The following CYP3A4 variants were observed in gnomAD, a reference collection of about 807,000 sequenced individuals.
CYP3A4 encodes the protein cytochrome P450 family 3 subfamily A member 4, also known as cytochrome P450 3A4.
In CYP3A4, 41 loss-of-function variants were observed where a neutral mutation model predicts 54.9. That is an observed-to-expected ratio of 0.75 (90% CI 0.58 to 0.97). The LOEUF (loss-of-function observed/expected upper bound fraction) is 0.97, where lower values mean the gene tolerates loss of function less well. Ranked by LOEUF, CYP3A4 falls within the 50% of genes least tolerant of loss-of-function variation. CYP3A4 has a pLI of 0.00. For synonymous variants in CYP3A4, 179 were observed against 205.2 expected (o/e 0.87, Z 1.09); for missense variants, 510 against 597.3 (o/e 0.85, Z 1.52).
chr7:99,766,995 CT>C, intron 8 of CYP3A4, 135 bp downstream of exon 8: 1 of 754,416 alleles, frequency 1.3e-6, no homozygotes, highest in Non-Finnish European at 2.0e-6. Context: ...AATGAATTCT[CT>C]TGCTCTAAAC....
intron 8 of CYP3A4, chr7:99,766,896 ATTG>A (rs1413257345): frequency 3.6e-5 from 15 of 413,684 alleles, no homozygotes; most frequent in Admixed American, 8.4e-5. Flanking sequence ...TGGCATACTA[ATTG>A]TTGTGTCTGA....
At position 99,784,133 on chromosome 7, in the gene CYP3A4, G is replaced by A. The variant is rs1403205684; in HGVS notation, c.-52C>T. On this transcript the variant is annotated 5_prime_UTR_variant, in exon 1 of 13. Transcript: ENST00000651514. ...CTCTGAGTCTTCCTTTCAGCTCTGT[G>A]TTGCTCTTTGCTGGGCTATGTGCAT... is the stretch of plus-strand genomic sequence containing the variant. The A allele has an allele frequency of 1.9e-6, 3 of 1,545,984 alleles. No individual in the cohort carries two copies. The highest frequency in any genetic ancestry group is 2.3e-5 in the East Asian group (1 of 44,360).
At position 99,770,229 on chromosome 7, in the gene CYP3A4, C is replaced by A. The variant is rs777024826; in HGVS notation, c.325G>T (p.Gly109Cys). The A allele has an allele frequency of 2.5e-6, 4 of 1,611,374 alleles. No homozygotes were observed. Among genetic ancestry groups the A allele is most frequent in the Non-Finnish European group, 3.4e-6 (4 of 1,177,668 alleles). The change falls in exon 5 of 13, where the codon GGT becomes TGT. Residue 109 changes from glycine (G) to cysteine (C), a missense_variant. By Grantham distance (159) the Gly-to-Cys change is radical (BLOSUM62 -3). This residue lies in a region of CYP3A4 where 272 missense variants were observed against 274.9 expected (regional missense o/e 0.99). Transcript: ENST00000651514. ...YSVFTNRRPF[G>C]PVGFMKSAIS... ...GCACTTTTCATAAATCCCACTGGAC[C>A]AAAAGGCTAGAGTTCAAAGCAGAAA... is the stretch of plus-strand genomic sequence containing the variant.
intron 3 of CYP3A4, among the ~76,000 whole-genome samples, chr7:99,777,156 T>G (rs1815790594): frequency 6.6e-6 from 1 of 152,030 alleles, no homozygotes; most frequent in African/African-American, 2.4e-5. Context: ...GGCTTTTAAT[T>G]GAAAGTGAAT....
rs577590322 is a variant in CYP3A4 at position 99,767,825 on chromosome 7, T to C, written c.670+529A>G. Reference sequence around the variant, plus strand: ...GAGGTGAACAAAAACTAAGATGTGATAGACCACAATCTCATGGGATTTAGC... The same window carrying C: ...GAGGTGAACAAAAACTAAGATGTGACAGACCACAATCTCATGGGATTTAGC... On this transcript the variant is annotated intron_variant, in intron 7 of 12. Transcript: ENST00000651514. 2.8e-4 allele frequency among the ~76,000 whole-genome samples: 42 copies of C among 152,268 alleles called. No individual in the cohort carries two copies. In the South Asian group the frequency reaches 8.5e-3, roughly 31 times the overall value.
chr7:99,758,094 A>G lies in CYP3A4; in HGVS notation c.*39T>C. On this transcript the variant is annotated 3_prime_UTR_variant, in exon 13 of 13. Transcript: ENST00000651514. ...TGAGGTCTCTGGTGTTCTCAGGCAC[A>G]GATTTCTTGAAGAGCAAAGCAGAAG... The G allele has an allele frequency of 6.5e-7, 1 of 1,541,102 alleles. No individual in the cohort carries two copies. The highest frequency in any genetic ancestry group is 2.2e-5 in the East Asian group (1 of 44,446).
intron 2 of CYP3A4, among the ~76,000 whole-genome samples, chr7:99,779,117 G>A (rs1815848921): frequency 1.3e-5 from 2 of 152,230 alleles, no homozygotes; most frequent in South Asian, 4.1e-4. Flanking sequence ...CTCGGCCAAA[G>A]TTCACGGTCC....
rs191209988 is a variant in CYP3A4, at chr7:99,769,441, T to C, written c.521+327A>G. ...TACCAAGTGCCTTCCCCTTCCACCA[T>C]CCCATACACTCCATGCTTAAAACTT... On this transcript the variant is annotated intron_variant, in intron 6 of 12. Transcript: ENST00000651514. 1.3e-3 allele frequency: 457 copies of C among 344,316 alleles called. 1 individual carries two copies. Among genetic ancestry groups the C allele is most frequent in the Non-Finnish European group, 1.6e-3 (291 of 178,828 alleles). 21.3% of individuals were successfully genotyped at this position (344,316 alleles called of 1,614,324 possible).
chr7:99,768,864 C>T (rs1183679758), intron 6 of CYP3A4, among the ~76,000 whole-genome samples: 6 of 152,170 alleles, frequency 3.9e-5, no homozygotes, highest in Non-Finnish European at 7.3e-5. Context: ...GAATAATTAA[C>T]TCTTCCTAAG....
chr7:99,769,886 T>C (rs1815584628), intron 5 of CYP3A4, 30 bp from the exon 6 acceptor site: 1 of 1,613,732 alleles, frequency 6.2e-7, no homozygotes, highest in Non-Finnish European at 8.5e-7. Context: ...CCACCCATAG[T>C]TAAATGTGCA....
intron 3 of CYP3A4, among the ~76,000 whole-genome samples, chr7:99,774,503 C>T (rs1185785587): frequency 2.0e-5 from 3 of 152,108 alleles, no homozygotes; most frequent in Non-Finnish European, 4.4e-5. Context: ...AGGATCAAGT[C>T]AGCGTCATCC....
In CYP3A4 at chr7:99,757,242, C is replaced by G. The variant is rs1394626966; in HGVS notation, c.*891G>C. ...CTGGAGTGCAGTGGTGCAATCTCAG[C>G]TCACTTCAACATCCGCCTCCCAGGT... On this transcript the variant is annotated 3_prime_UTR_variant, in exon 13 of 13. Coordinates refer to ENST00000651514, the MANE Select transcript of CYP3A4 (RefSeq NM_017460.6). 1 of 152,268 alleles carries G rather than the reference C, an allele frequency of 6.6e-6. No homozygotes were observed. The highest frequency in any genetic ancestry group is 1.5e-5 in the Non-Finnish European group (1 of 68,078). 9.4% of individuals were successfully genotyped at this position (152,268 alleles called of 1,614,324 possible). A position where few individuals can be genotyped will look rare whatever the true frequency, so the allele number is the denominator to read the frequency against.
chr7:99,770,325 A>C (rs1307160450), intron 4 of CYP3A4, 90 bp from the exon 5 acceptor site: 1 of 1,240,334 alleles, frequency 8.1e-7, no homozygotes, highest in Non-Finnish European at 1.2e-6. Flanking sequence ...ACACTTATTC[A>C]ACAACTATTT....
chr7:99,766,584 A>G, intron 8 of CYP3A4, 141 bp from the exon 9 acceptor site: 2 of 989,070 alleles, frequency 2.0e-6, no homozygotes, highest in Non-Finnish European at 3.0e-6. Flanking sequence ...CTGAATCACC[A>G]GTGAAAAACA....
chr7:99,769,037 G>A (rs899919041), intron 6 of CYP3A4, among the ~76,000 whole-genome samples: 1 of 152,192 alleles, frequency 6.6e-6, no homozygotes, highest in African/African-American at 2.4e-5. Context: ...ACTATCCCCA[G>A]CTGTGGTGAG....
intron 12 of CYP3A4, among the ~76,000 whole-genome samples, chr7:99,760,592 A>G (rs28988597): frequency 2.0e-3 from 298 of 152,354 alleles, no homozygotes; most frequent in Middle Eastern, 0.01. Context: ...ACTGCAGATA[A>G]TTATGCCATG....
At chr7:99,782,964 C>T (rs1815964164) in intron 1 of CYP3A4, among the ~76,000 whole-genome samples, 1 of 152,028 alleles carries the variant, frequency 6.6e-6, no homozygotes, top group African/African-American at 2.4e-5. Context: ...ACTAACAGCC[C>T]TCATTTGTCA....
intron 10 of CYP3A4, among the ~76,000 whole-genome samples, chr7:99,762,815 C>T (rs1487087181): frequency 2.6e-5 from 4 of 152,160 alleles, no homozygotes; most frequent in Admixed American, 2.6e-4. Flanking sequence ...TCCTCACTTG[C>T]TGAAACAGTC....
At chr7:99,767,397 T>A (rs1483006953) in intron 7 of CYP3A4, 139 bp from the exon 8 acceptor site, 16 of 772,404 alleles carry the variant, frequency 2.1e-5, no homozygotes, top group Non-Finnish European at 9.8e-6. Flanking sequence ...ATTCCTTCTA[T>A]GACTTTTGCC....
Sources: gnomAD v4.1 joint callset for allele counts (sites outside exome capture counted in the v4.1 genomes callset) on GRCh38, gnomAD v4.1.1 for gene constraint, gnomAD v4.1.1 regional missense constraint, MANE v1.5 for transcripts, NCBI Gene and HGNC (gene_info 2026-07-23, HGNC 2026-07-21) for gene names.